Variants in KCNH5 observed in about 807,000 individuals in gnomAD.
KCNH5 encodes potassium voltage-gated channel subfamily H member 5.
Under a neutral mutation model 96.1 loss-of-function variants are expected in KCNH5, and 46 were observed. That is an observed-to-expected ratio of 0.48 (90% CI 0.38 to 0.61). KCNH5 has a LOEUF of 0.61. KCNH5 is among the 20% of genes least tolerant of loss of function. The pLI, the probability that KCNH5 is intolerant of heterozygous loss-of-function variation, is 0.00. For synonymous variants in KCNH5, 439 were observed against 449.8 expected (o/e 0.98, Z 0.30); for missense variants, 907 against 1,225.8 (o/e 0.74, Z 3.88).
intron 8 of KCNH5, among the ~76,000 whole-genome samples, chr14:62,811,851 T>C (rs1390202841): frequency 2.0e-5 from 3 of 152,154 alleles, no homozygotes; most frequent in South Asian, 2.1e-4. Context: ...ATTTAGCTGA[T>C]GATTATTAAG....
chr14:62,857,677 T>C (rs1369194321), intron 7 of KCNH5, among the ~76,000 whole-genome samples: 3 of 152,184 alleles, frequency 2.0e-5, no homozygotes, highest in Non-Finnish European at 2.9e-5. Flanking sequence ...TATGTTTTTC[T>C]GCCTGTTTTA....
At chr14:62,913,531 T>A (rs916356932) in intron 7 of KCNH5, among the ~76,000 whole-genome samples, 9 of 149,158 alleles carry the variant, frequency 6.0e-5, no homozygotes, top group African/African-American at 2.3e-4. Context: ...CGGCCAAAAC[T>A]TTTTATATTT....
intron 7 of KCNH5, among the ~76,000 whole-genome samples, chr14:62,934,379 C>G (rs1286779034): frequency 6.6e-6 from 1 of 152,138 alleles, no homozygotes; most frequent in African/African-American, 2.4e-5. Flanking sequence ...TTGTGTTGCC[C>G]TCTATAGAAG....
chr14:62,739,589 A>C (rs916825122), intron 10 of KCNH5, among the ~76,000 whole-genome samples: 43 of 152,190 alleles, frequency 2.8e-4, no homozygotes, highest in African/African-American at 9.9e-4. Context: ...TTGTCTACAG[A>C]ACATCAACAA....
At chr14:62,953,952 TTACC>T in intron 6 of KCNH5, among the ~76,000 whole-genome samples, 1 of 152,284 alleles carries the variant, frequency 6.6e-6, no homozygotes, top group East Asian at 1.9e-4. Flanking sequence ...TGTTGGCTCA[TTACC>T]TATAGGAATA....
chr14:62,810,207 C>T (rs572124667), intron 8 of KCNH5, among the ~76,000 whole-genome samples: 24 of 152,182 alleles, frequency 1.6e-4, no homozygotes, highest in South Asian at 6.2e-4. Context: ...AAATGGCCCT[C>T]GCCATACTGA....
Position 62,780,590 on chromosome 14 carries a change from T to C in KCNH5, c.1823-666A>G, listed in dbSNP as rs549006389. ...ATGAACAGTTCTATAAAAAGTGCTATACTATCATCAAATGTAGACGTCTTT... is the reference window on the plus strand; with the variant it reads ...ATGAACAGTTCTATAAAAAGTGCTACACTATCATCAAATGTAGACGTCTTT... On this transcript the variant is annotated intron_variant, in intron 9 of 10. Transcript: ENST00000322893. 2.0e-5 allele frequency among the ~76,000 whole-genome samples: 3 copies of C among 152,298 alleles called. No individual in the cohort carries two copies. In the East Asian group the frequency reaches 5.8e-4, roughly 29 times the overall value.
chr14:62,953,463 T>C (rs375279269), intron 6 of KCNH5, among the ~76,000 whole-genome samples: 10 of 152,284 alleles, frequency 6.6e-5, no homozygotes, highest in African/African-American at 2.4e-4. Flanking sequence ...GAGTTATTGA[T>C]ACTAAGCCAA....
chr14:62,985,188 G>T (rs540598923), intron 5 of KCNH5, among the ~76,000 whole-genome samples: 2 of 152,180 alleles, frequency 1.3e-5, no homozygotes, highest in South Asian at 2.1e-4. Context: ...TAAATATTGT[G>T]ATTATTATTA....
rs1364208693 is a variant in KCNH5, at chr14:62,802,505, G to C, written c.1646C>G (p.Pro549Arg). ...HLNRKVFNEHPAFRLASDGCL... is the reference protein window; with the variant it reads ...HLNRKVFNEHRAFRLASDGCL... ...CCCATCGCTGGCCAATCGAAAAGCA[G>C]GATGTTCATTAAAAACCTTCCGGTT... The change falls in exon 9 of 11, where the codon CCT becomes CGT. Residue 549 changes from proline (P) to arginine (R), a missense_variant. Pro to Arg is a moderately radical substitution (Grantham distance 103). Transcript: ENST00000322893. 1.9e-6 allele frequency: 3 copies of C among 1,614,124 alleles called. No homozygotes were observed. The highest frequency in any genetic ancestry group is 2.5e-6 in the Non-Finnish European group (3 of 1,180,010).
At chr14:63,042,391 A>G (rs1332920755) in intron 1 of KCNH5, among the ~76,000 whole-genome samples, 1 of 152,036 alleles carries the variant, frequency 6.6e-6, no homozygotes, top group Non-Finnish European at 1.5e-5. Context: ...GTATCTCTCT[A>G]TATCTATGTC....
At chr14:62,982,548 A>T (rs1413405719) in intron 5 of KCNH5, among the ~76,000 whole-genome samples, 1 of 152,232 alleles carries the variant, frequency 6.6e-6, no homozygotes, top group African/African-American at 2.4e-5. Flanking sequence ...TCATAAATGC[A>T]TTAAATATTT....
intron 9 of KCNH5, among the ~76,000 whole-genome samples, chr14:62,784,581 T>C (rs1488181611): frequency 6.6e-6 from 1 of 152,196 alleles, no homozygotes; most frequent in Non-Finnish European, 1.5e-5. Context: ...TTCATTATAC[T>C]TCTTAATAAA....
intron 3 of KCNH5, among the ~76,000 whole-genome samples, chr14:63,006,125 G>T (rs913313414): frequency 6.6e-6 from 1 of 152,058 alleles, no homozygotes; most frequent in African/African-American, 2.4e-5. Context: ...ATATTTTGCT[G>T]CCTGATACAA....
chr14:62,937,125 G>T (rs901480563), intron 7 of KCNH5, among the ~76,000 whole-genome samples: 15 of 152,050 alleles, frequency 9.9e-5, no homozygotes, highest in Admixed American at 2.6e-4. Context: ...ATATGTGACT[G>T]CCCACTGGAC....
chr14:63,009,944 A>T (rs1594673507), intron 2 of KCNH5, among the ~76,000 whole-genome samples: 2 of 152,318 alleles, frequency 1.3e-5, no homozygotes, highest in South Asian at 4.1e-4. Flanking sequence ...AATTTTCCAT[A>T]GTTTTCATAT....
rs147644928 is a variant in KCNH5 at position 62,886,658 on chromosome 14, T to C, written c.1370-36806A>G. ...GCTCTTTGTCTGAAAACTGACTTCA[T>C]CAATCATACTTTTCAGGGAGAATAT... On this transcript the variant is annotated intron_variant, in intron 7 of 10. Transcript: ENST00000322893. Among the ~76,000 whole-genome samples, 377 of 152,332 alleles carry C rather than the reference T, an allele frequency of 2.5e-3. 4 individuals carry two copies. Among genetic ancestry groups the C allele is most frequent in the African/African-American group, 8.9e-3 (369 of 41,570 alleles).
intron 7 of KCNH5, among the ~76,000 whole-genome samples, chr14:62,915,622 T>C (rs946110121): frequency 1.3e-5 from 2 of 152,162 alleles, no homozygotes; most frequent in Admixed American, 1.3e-4. Flanking sequence ...CCAATTTACA[T>C]TGAAGTGAAA....
At chr14:62,953,150 T>C (rs776788005) in intron 6 of KCNH5, among the ~76,000 whole-genome samples, 3 of 151,472 alleles carry the variant, frequency 2.0e-5, no homozygotes, top group Non-Finnish European at 2.9e-5. Flanking sequence ...ATACTTGATA[T>C]ATATACATAA....
Sources: allele counts gnomAD v4.1 joint callset (sites outside exome capture counted in the v4.1 genomes callset), GRCh38; gene constraint gnomAD v4.1.1; transcripts MANE v1.5; gene names NCBI Gene and HGNC (gene_info 2026-07-23, HGNC 2026-07-21).